GART: variants seen among roughly 807,000 people sequenced by gnomAD.
GART encodes phosphoribosylglycinamide formyltransferase, phosphoribosylglycinamide synthetase, phosphoribosylaminoimidazole synthetase, also known as trifunctional purine biosynthetic protein adenosine-3.
A neutral mutation model predicts 107.2 loss-of-function variants in GART; 43 were observed. The ratio of observed to expected loss-of-function variants is 0.40; its 90% CI spans 0.31 to 0.52. The LOEUF (loss-of-function observed/expected upper bound fraction) is 0.52, where lower values mean the gene tolerates loss of function less well. Ranked by LOEUF, GART falls within the 20% of genes least tolerant of loss-of-function variation. The pLI, the probability that GART is intolerant of heterozygous loss-of-function variation, is 0.52. For missense variants in GART, 1,107 were observed against 1,206.5 expected (o/e 0.92, Z 1.22); for synonymous variants, 434 against 427.0 (o/e 1.02, Z -0.20).
intron 18 of GART, 36 bp downstream of exon 18, chr21:33,509,747 C>T (rs755334000): frequency 1.2e-6 from 2 of 1,606,328 alleles, no homozygotes; most frequent in South Asian, 2.2e-5. Flanking sequence ...GAAGGGCAGT[C>T]AACAGCTCTA....
At chr21:33,518,386 G>C (rs1275882557) in intron 14 of GART, among the ~76,000 whole-genome samples, 2 of 152,118 alleles carry the variant, frequency 1.3e-5, no homozygotes, top group Non-Finnish European at 2.9e-5. Flanking sequence ...GATGAGGCAG[G>C]AGAATTGCTT....
rs756618793 is a variant in GART, at chr21:33,539,178, T to C, written c.138A>G (p.Ser46=). 1.2e-6 allele frequency: 2 copies of C among 1,611,842 alleles called. No homozygotes were observed. Among genetic ancestry groups the C allele is most frequent in the Non-Finnish European group, 1.7e-6 (2 of 1,179,350 alleles). ...ACTTTAAAACATGATTACCGGTATT[T>C]GAAATCTTTTCAGAGCAGGCAGTGC... ...NAGTACSEKI[S]NTAISISDHT... Residue 46 remains serine, a synonymous_variant, in exon 2 of 22, where the codon TCA becomes TCG. Transcript: ENST00000381815.
At chr21:33,515,652 CA>C (rs71194850) in intron 16 of GART, among the ~76,000 whole-genome samples, 197 of 35,850 alleles carry the variant, frequency 5.5e-3, no homozygotes, top group African/African-American at 0.013. Flanking sequence ...GACTCCAACT[CA>C]AAAAAAAAAA....
In GART at chr21:33,539,364, A is replaced by G. The variant is rs1463047758; in HGVS notation, c.-41-8T>C. 3 of 1,586,232 alleles carry G rather than the reference A, an allele frequency of 1.9e-6. No homozygotes were observed. On this transcript the variant is annotated splice_region_variant and splice_polypyrimidine_tract_variant and intron_variant, in intron 1 of 21. Transcript: ENST00000381815. ...TCCAAAGGAAAATGAAACCTGCAGA[A>G]AGAAAACCACAGTTTATATCTTAGG...
rs1282688627 is a variant in GART at position 33,511,381 on chromosome 21, T to C, written c.2185A>G (p.Arg729Gly). The C allele has an allele frequency of 6.2e-7, 1 of 1,614,072 alleles. No homozygotes were observed. The highest frequency in any genetic ancestry group is 1.3e-5 in the African/African-American group (1 of 74,926). Residue 729 changes from arginine to glycine, a missense_variant, in exon 17 of 22, where the codon AGA (arginine) becomes GGA (glycine). Arg to Gly is a moderately radical substitution (Grantham distance 125, BLOSUM62 -2). Coordinates refer to ENST00000381815, the MANE Select transcript of GART (RefSeq NM_000819.5). ...GCGCCAACCCCACAGTTAAATGTTC[T>C]GGCCATCTCTTCCTCAGAGAGGTGT... is the stretch of plus-strand genomic sequence containing the variant. ...EGHLSEEEMA[R>G]TFNCGVGAVL...
intron 20 of GART, 146 bp from the exon 21 acceptor site, chr21:33,504,673 T>C: frequency 3.1e-6 from 2 of 645,076 alleles, no homozygotes; most frequent in Non-Finnish European, 5.4e-6. Context: ...AGAAATGAGG[T>C]AAAAGTAAGT....
intron 5 of GART, 32 bp from the exon 6 acceptor site, chr21:33,531,589 T>TA (rs757214804): frequency 1.5e-4 from 182 of 1,204,226 alleles, no homozygotes; most frequent in African/African-American, 1.0e-3. Flanking sequence ...TTTTTTTTTT[T>TA]AAAAAAAGAG....
Position 33,514,549 on chromosome 21 carries a change from G to C in GART, c.2107+2440C>G, listed in dbSNP as rs544788625. ...GCCATTTTTAAAGCAGCTATGATGG[G>C]AGTATTTATACCACAAAAACTGGCA... On this transcript the variant is annotated intron_variant, in intron 16 of 21. Coordinates refer to ENST00000381815, the MANE Select transcript of GART (RefSeq NM_000819.5). Among the ~76,000 whole-genome samples the C allele has an allele frequency of 3.9e-5, 6 of 152,266 alleles. No homozygotes were observed. The South Asian group carries it at 1.2e-3, about 32-fold the overall frequency.
chr21:33,525,280 G>A (rs887589042), intron 10 of GART, among the ~76,000 whole-genome samples: 9 of 152,028 alleles, frequency 5.9e-5, no homozygotes, highest in African/African-American at 1.7e-4. Flanking sequence ...ACCAGCTGAG[G>A]TGGGAGGATC....
Position 33,505,836 on chromosome 21 carries a change from A to T in GART, c.2584-134T>A. ...ATAGAGAGATTATTAAGAAAGGGACAGGATGAAGAAGGCAAGCCCAGCACC... is the reference window on the plus strand; with the variant it reads ...ATAGAGAGATTATTAAGAAAGGGACTGGATGAAGAAGGCAAGCCCAGCACC... On this transcript the variant is annotated intron_variant, in intron 19 of 21. Coordinates refer to ENST00000381815, the MANE Select transcript of GART (RefSeq NM_000819.5). The T allele has an allele frequency of 5.9e-6, 8 of 1,364,962 alleles. No homozygotes were observed. In the South Asian group the frequency reaches 8.4e-5, roughly 14 times the overall value. 84.6% of individuals were successfully genotyped at this position (1,364,962 alleles called of 1,614,324 possible).
chr21:33,535,187 C>T, intron 3 of GART, 38 bp downstream of exon 3: 2 of 1,283,958 alleles, frequency 1.6e-6, no homozygotes, highest in Non-Finnish European at 2.2e-6. Flanking sequence ...TCTGTTTGCA[C>T]TGAATATACT....
chr21:33,534,518 G>C, intron 4 of GART, 61 bp downstream of exon 4: 2 of 1,576,560 alleles, frequency 1.3e-6, no homozygotes, highest in Non-Finnish European at 1.7e-6. Flanking sequence ...CCTGGCCACT[G>C]ACCTGTGTAT....
chr21:33,529,911 A>G (rs1432832893), intron 7 of GART: 1 of 153,284 alleles, frequency 6.5e-6, no homozygotes, highest in Non-Finnish European at 1.5e-5. Flanking sequence ...AACTGTGCAG[A>G]AGGCCAGGCA....
At chr21:33,536,724 A>C (rs1226207444) in intron 2 of GART, among the ~76,000 whole-genome samples, 1 of 152,208 alleles carries the variant, frequency 6.6e-6, no homozygotes, top group Non-Finnish European at 1.5e-5. Flanking sequence ...ACATGCACTG[A>C]GATAATATGA....
At chr21:33,534,858 A>AT (rs2085274172) in intron 3 of GART, 105 bp from the exon 4 acceptor site, 1 of 975,086 alleles carries the variant, frequency 1.0e-6, no homozygotes, top group South Asian at 1.9e-5. Flanking sequence ...GACAAGGCAG[A>AT]TGACTGGTGG....
intron 12 of GART, 65 bp downstream of exon 12, chr21:33,522,123 A>G: frequency 7.9e-7 from 1 of 1,266,972 alleles, no homozygotes. Context: ...TGTTAAATAT[A>G]AAACCCAAAT....
At position 33,521,784 on chromosome 21, in the gene GART, A is replaced by C. The variant is rs532580258; in HGVS notation, c.1393+404T>G. 2.0e-5 allele frequency among the ~76,000 whole-genome samples: 3 copies of C among 152,120 alleles called. No individual in the cohort carries two copies. In the South Asian group the frequency reaches 6.2e-4, roughly 32 times the overall value. ...AGACCAGCTTGGCCAACATGGTGAA[A>C]TCATGTCTCTACAAAAATACAAAAA... On this transcript the variant is annotated intron_variant, in intron 12 of 21. Transcript: ENST00000381815.
chr21:33,531,801 T>G (rs929136711), intron 5 of GART: 1 of 434,010 alleles, frequency 2.3e-6, no homozygotes, highest in Non-Finnish European at 4.1e-6. Context: ...TCCTGAAGAT[T>G]TGGTGATCCA....
At chr21:33,522,318 A>G (rs1003902274) in intron 11 of GART, 36 bp from the exon 12 acceptor site, 1 of 1,336,476 alleles carries the variant, frequency 7.5e-7, no homozygotes, top group Admixed American at 1.7e-5. Flanking sequence ...CCTAAACGTC[A>G]GGGAAAATTA....
Sources: gnomAD v4.1 joint callset for allele counts (sites outside exome capture counted in the v4.1 genomes callset) on GRCh38, gnomAD v4.1.1 for gene constraint, MANE v1.5 for transcripts, NCBI Gene and HGNC (gene_info 2026-07-23, HGNC 2026-07-21) for gene names.